CUL3: variants seen among roughly 807,000 people sequenced by gnomAD.
The protein encoded by CUL3 is cullin 3.
In CUL3, 19 loss-of-function variants were observed where a neutral mutation model predicts 89.1. The observed-to-expected ratio is 0.21, with a 90% CI of 0.15 to 0.31. CUL3 has a LOEUF of 0.31. Among genes scored for constraint, CUL3 ranks in the 10% least tolerant of loss-of-function variants. The pLI is 1.00. For missense variants in CUL3, 469 were observed against 942.3 expected, an observed-to-expected ratio of 0.50 and a Z score of 6.58; for synonymous variants, 351 against 308.4, an observed-to-expected ratio of 1.14 and a Z score of -1.45.
chr2:224,511,149 C>G (rs1188395871), intron 6 of CUL3, among the ~76,000 whole-genome samples: 1 of 152,104 alleles, frequency 6.6e-6, no homozygotes, highest in Admixed American at 6.5e-5. Flanking sequence ...AGGAAATGCT[C>G]AATTCATTAG....
At chr2:224,483,908 C>T (rs567343995) in intron 13 of CUL3, among the ~76,000 whole-genome samples, 6 of 152,190 alleles carry the variant, frequency 3.9e-5, no homozygotes, top group African/African-American at 1.2e-4. Flanking sequence ...TTTATATTTG[C>T]GCCAAGCACG....
chr2:224,509,619 G>C (rs1050096989), intron 6 of CUL3, among the ~76,000 whole-genome samples: 1 of 152,184 alleles, frequency 6.6e-6, no homozygotes, highest in African/African-American at 2.4e-5. Context: ...GTACTATTAT[G>C]GTATTCCTTC....
rs536464065 is a variant in CUL3 at position 224,470,398 on chromosome 2, T to C, written c.*3847A>G. The C allele has an allele frequency of 4.4e-6, 1 of 229,638 alleles. No homozygotes were observed. The highest frequency in any genetic ancestry group is 2.2e-5 in the African/African-American group (1 of 45,242). 14.2% of individuals were successfully genotyped at this position (229,638 alleles called of 1,614,324 possible). On this transcript the variant is annotated 3_prime_UTR_variant, in exon 16 of 16. Transcript: ENST00000264414. ...AAATGACACGCTTACAAATTTGCCA[T>C]TTCTAAAATTAAATGCACGGGTTTC...
At chr2:224,500,772 T>C (rs780792927) in intron 10 of CUL3, among the ~76,000 whole-genome samples, 8 of 151,840 alleles carry the variant, frequency 5.3e-5, no homozygotes, top group Non-Finnish European at 7.4e-5. Flanking sequence ...ATTACAGGCA[T>C]GCCCACCACG....
intron 13 of CUL3, among the ~76,000 whole-genome samples, chr2:224,484,796 A>G (rs1401261326): frequency 6.6e-6 from 1 of 152,228 alleles, no homozygotes; most frequent in Non-Finnish European, 1.5e-5. Context: ...CACAAATAAA[A>G]AACAATTAAA....
rs551727393 is a variant in CUL3 at position 224,581,341 on chromosome 2, A to G, written c.66+3603T>C. Among the ~76,000 whole-genome samples, 3 of 150,740 alleles carry G rather than the reference A, an allele frequency of 2.0e-5. No individual in the cohort carries two copies. In the South Asian group the frequency reaches 6.4e-4, roughly 32 times the overall value. ...AACCCAGGAGGCGGAGGTTGCAGTGAGCTGAAACCGTGCCACTGCACTTCA... is the reference window on the plus strand; with the variant it reads ...AACCCAGGAGGCGGAGGTTGCAGTGGGCTGAAACCGTGCCACTGCACTTCA... On this transcript the variant is annotated intron_variant, in intron 1 of 15. Coordinates refer to ENST00000264414, the MANE Select transcript of CUL3 (RefSeq NM_003590.5).
intron 2 of CUL3, 48 bp from the exon 3 acceptor site, chr2:224,535,689 C>T (rs1385050287): frequency 1.8e-6 from 2 of 1,087,998 alleles, no homozygotes; most frequent in Non-Finnish European, 1.4e-6. Context: ...TCCACACACT[C>T]GTATATACAG....
chr2:224,550,034 C>G (rs899044726), intron 2 of CUL3, among the ~76,000 whole-genome samples: 8 of 152,146 alleles, frequency 5.3e-5, no homozygotes, highest in Non-Finnish European at 8.8e-5. Context: ...TATCTGAACA[C>G]GAAGTGTTTA....
At chr2:224,576,675 G>C (rs1405318864) in intron 1 of CUL3, among the ~76,000 whole-genome samples, 1 of 85,696 alleles carries the variant, frequency 1.2e-5, no homozygotes, top group Non-Finnish European at 2.2e-5. Flanking sequence ...CCTAGTTCAG[G>C]AGTGAAAAAA....
chr2:224,582,107 G>A (rs1179947392), intron 1 of CUL3, among the ~76,000 whole-genome samples: 1 of 152,076 alleles, frequency 6.6e-6, no homozygotes, highest in Non-Finnish European at 1.5e-5. Context: ...TAGGTTTACA[G>A]GCATCCGCCA....
intron 2 of CUL3, among the ~76,000 whole-genome samples, chr2:224,542,868 G>A (rs1396444522): frequency 1.3e-5 from 2 of 152,148 alleles, no homozygotes. Flanking sequence ...GGAGCTACAG[G>A]CTTCCAAACT....
intron 11 of CUL3, 46 bp from the exon 12 acceptor site, chr2:224,497,895 C>A: frequency 7.1e-7 from 1 of 1,406,720 alleles, no homozygotes; most frequent in Non-Finnish European, 1.0e-6. Context: ...CAAACTTACA[C>A]ATTTGAAATT....
chr2:224,476,200 T>C (rs909590025), intron 15 of CUL3, among the ~76,000 whole-genome samples: 5 of 152,032 alleles, frequency 3.3e-5, no homozygotes, highest in Non-Finnish European at 5.9e-5. Flanking sequence ...GTATTTTCAG[T>C]AGGACGGGGT....
chr2:224,474,098 G>C lies in CUL3; in HGVS notation c.*147C>G. The C allele has an allele frequency of 2.8e-6, 2 of 702,052 alleles. No individual in the cohort carries two copies. Among genetic ancestry groups the C allele is most frequent in the Non-Finnish European group, 4.4e-6 (2 of 455,512 alleles). The allele number at this position is 702,052 out of a possible 1,614,324, so 43.5% of individuals were successfully genotyped here. ...TCAACTGATGTTGGAAACTCTCAAA[G>C]GGAGTAAAGGCTTGATCTCAATGGT... is the stretch of plus-strand genomic sequence containing the variant. On this transcript the variant is annotated 3_prime_UTR_variant, in exon 16 of 16. Coordinates refer to ENST00000264414, the MANE Select transcript of CUL3 (RefSeq NM_003590.5).
At chr2:224,584,407 G>A (rs1036942650) in intron 1 of CUL3, among the ~76,000 whole-genome samples, 3 of 152,178 alleles carry the variant, frequency 2.0e-5, no homozygotes, top group Non-Finnish European at 4.4e-5. Context: ...TGACCACGGA[G>A]CATTCCGTGG....
intron 2 of CUL3, among the ~76,000 whole-genome samples, chr2:224,547,295 C>T (rs982771765): frequency 2.0e-5 from 3 of 152,118 alleles, no homozygotes; most frequent in Admixed American, 1.3e-4. Flanking sequence ...CAAAAACATT[C>T]GAAGATGCTT....
intron 14 of CUL3, among the ~76,000 whole-genome samples, chr2:224,480,740 G>A (rs1010462276): frequency 6.6e-6 from 1 of 152,086 alleles, no homozygotes; most frequent in African/African-American, 2.4e-5. Context: ...GGATACAAAT[G>A]AGCCCTAAAA....
chr2:224,535,001 A>T (rs950325260), intron 3 of CUL3, among the ~76,000 whole-genome samples: 6 of 133,160 alleles, frequency 4.5e-5, no homozygotes, highest in Non-Finnish European at 6.3e-5. Flanking sequence ...ACCCCGTCTC[A>T]AAATAAATAA....
chr2:224,559,000 G>A (rs1694819222), intron 1 of CUL3, among the ~76,000 whole-genome samples: 1 of 151,804 alleles, frequency 6.6e-6, no homozygotes, highest in East Asian at 1.9e-4. Flanking sequence ...AGCTTGCAGT[G>A]AGCCAAGATC....
Sources: gnomAD v4.1 joint callset for allele counts (sites outside exome capture counted in the v4.1 genomes callset) on GRCh38, gnomAD v4.1.1 for gene constraint, MANE v1.5 for transcripts, NCBI Gene and HGNC (gene_info 2026-07-23, HGNC 2026-07-21) for gene names.